The following SUCLA2 variants were observed in gnomAD, a reference collection of about 807,000 sequenced individuals.
The protein encoded by SUCLA2 is succinate--CoA ligase [ADP-forming] subunit beta, mitochondrial.
Under a neutral mutation model 54.8 loss-of-function variants are expected in SUCLA2, and 30 were observed. The observed-to-expected ratio is 0.55, with a 90% CI of 0.41 to 0.74. SUCLA2 has a LOEUF of 0.74. Among genes scored for constraint, SUCLA2 ranks in the 30% least tolerant of loss-of-function variants. The probability of loss-of-function intolerance (pLI) is 0.00; values close to 1 mark genes in which losing one functional copy is unlikely to be tolerated. For missense variants in SUCLA2, 476 were observed against 562.9 expected (o/e 0.85, Z 1.56); for synonymous variants, 172 against 188.9 (o/e 0.91, Z 0.74).
At chr13:47,960,956 G>C (rs1212628471) in intron 6 of SUCLA2, among the ~76,000 whole-genome samples, 1 of 152,168 alleles carries the variant, frequency 6.6e-6, no homozygotes, top group Non-Finnish European at 1.5e-5. Flanking sequence ...GATAAGATCA[G>C]AGTTTTTCTA....
intron 8 of SUCLA2, among the ~76,000 whole-genome samples, chr13:47,952,222 C>T (rs1193737998): frequency 2.6e-5 from 4 of 152,034 alleles, no homozygotes; most frequent in Non-Finnish European, 5.9e-5. Context: ...CTTGGTCCTT[C>T]GATGTCACCA....
chr13:47,986,439 A>G (rs1189107065), intron 4 of SUCLA2, among the ~76,000 whole-genome samples: 1 of 152,154 alleles, frequency 6.6e-6, no homozygotes, highest in African/African-American at 2.4e-5. Context: ...AACTTTGGAT[A>G]TTAGACCTTT....
intron 6 of SUCLA2, among the ~76,000 whole-genome samples, chr13:47,956,142 T>C (rs1214467322): frequency 6.6e-6 from 1 of 152,150 alleles, no homozygotes; most frequent in Non-Finnish European, 1.5e-5. Context: ...AGAAGACTAT[T>C]ATAAACTTTT....
chr13:47,985,720 C>G (rs1950097574), intron 4 of SUCLA2, among the ~76,000 whole-genome samples: 2 of 152,258 alleles, frequency 1.3e-5, no homozygotes, highest in Non-Finnish European at 1.5e-5. Context: ...ATCTTTATAA[C>G]AGAATGATTT....
chr13:47,954,871 C>T (rs1025698270), intron 6 of SUCLA2, among the ~76,000 whole-genome samples: 2 of 151,996 alleles, frequency 1.3e-5, no homozygotes, highest in African/African-American at 4.8e-5. Context: ...TAGCTAACCC[C>T]ATCACTTGGG....
intron 2 of SUCLA2, among the ~76,000 whole-genome samples, chr13:47,990,890 C>T (rs1950144556): frequency 6.6e-6 from 1 of 152,210 alleles, no homozygotes. Context: ...TAGAAAATTA[C>T]TGATGTAAGC....
At chr13:47,961,697 A>T (rs1253488736) in intron 6 of SUCLA2, among the ~76,000 whole-genome samples, 1 of 150,234 alleles carries the variant, frequency 6.7e-6, no homozygotes, top group Non-Finnish European at 1.5e-5. Context: ...ATTCTACGAC[A>T]TTCCTGAAAT....
chr13:47,963,770 G>A (rs1324965946), intron 6 of SUCLA2, among the ~76,000 whole-genome samples: 1 of 152,146 alleles, frequency 6.6e-6, no homozygotes, highest in African/African-American at 2.4e-5. Context: ...AGGCCTGGAA[G>A]CAATGACACA....
At chr13:47,963,886 G>C (rs763032702) in intron 6 of SUCLA2, among the ~76,000 whole-genome samples, 1 of 152,154 alleles carries the variant, frequency 6.6e-6, no homozygotes, top group South Asian at 2.1e-4. Context: ...GTGGATTGCC[G>C]AACTGTGACA....
intron 6 of SUCLA2, among the ~76,000 whole-genome samples, chr13:47,959,614 G>A (rs1949851759): frequency 6.6e-6 from 1 of 152,150 alleles, no homozygotes; most frequent in Admixed American, 6.5e-5. Flanking sequence ...GAAAGCCCAG[G>A]CATGTCATGG....
intron 10 of SUCLA2, among the ~76,000 whole-genome samples, chr13:47,946,856 GA>G (rs911220921): frequency 5.3e-5 from 8 of 150,384 alleles, no homozygotes; most frequent in Non-Finnish European, 7.4e-5. Flanking sequence ...TGTCAGATAA[GA>G]AAAAAAAATC....
At chr13:47,990,825 A>G (rs1950144110) in intron 2 of SUCLA2, among the ~76,000 whole-genome samples, 1 of 152,230 alleles carries the variant, frequency 6.6e-6, no homozygotes, top group African/African-American at 2.4e-5. Flanking sequence ...GGAGTTTGAA[A>G]CCAAACAAAA....
At chr13:47,992,410 A>T (rs1044995887) in intron 2 of SUCLA2, among the ~76,000 whole-genome samples, 56 of 105,704 alleles carry the variant, frequency 5.3e-4, no homozygotes, top group South Asian at 8.6e-4. Flanking sequence ...AAAAAAAAAA[A>T]TTTTTCATGA....
chr13:47,954,036 C>G (rs1949797257), intron 8 of SUCLA2, 104 bp downstream of exon 8: 1 of 1,037,946 alleles, frequency 9.6e-7, no homozygotes, highest in Non-Finnish European at 1.3e-6. Flanking sequence ...TATTAAAAGA[C>G]ATATATATGA....
intron 6 of SUCLA2, among the ~76,000 whole-genome samples, chr13:47,965,255 A>G (rs935786463): frequency 1.3e-5 from 2 of 151,970 alleles, no homozygotes; most frequent in African/African-American, 2.4e-5. Context: ...AAGGAATATA[A>G]TATTTTCCCA....
chr13:47,967,961 C>A (rs555221672), intron 6 of SUCLA2, among the ~76,000 whole-genome samples: 1 of 151,978 alleles, frequency 6.6e-6, no homozygotes, highest in Non-Finnish European at 1.5e-5. Flanking sequence ...AAGATTCACA[C>A]CAAATGTCAG....
chr13:47,959,801 G>A (rs4245347), intron 6 of SUCLA2, among the ~76,000 whole-genome samples: 95,005 of 151,980 alleles, frequency 0.63, 30,646 homozygotes, highest in East Asian at 0.77. Flanking sequence ...TCTTGATGAA[G>A]GTAAAATAAG....
rs1555256401 is a variant in SUCLA2, at chr13:47,954,274, C to T, written c.973G>A (p.Ala325Thr). 1.2e-6 allele frequency: 2 copies of T among 1,613,882 alleles called. No homozygotes were observed. Among genetic ancestry groups the T allele is most frequent in the Admixed American group, 1.7e-5 (1 of 59,988 alleles). Residue 325 changes from alanine to threonine, a missense_variant, in exon 8 of 11, where the codon GCT becomes ACT. Physicochemically the swap from Ala to Thr is moderately conservative, Grantham distance 58 (BLOSUM62 0). Around this residue, in one of 2 missense-constraint regions of SUCLA2, gnomAD observed 342 missense variants for 444.2 expected, o/e 0.77. Coordinates refer to ENST00000646932, the MANE Select transcript of SUCLA2 (RefSeq NM_003850.3). Reference sequence around the variant, plus strand: ...TCCATTGTGGCCATAGCCAAACCAGCACCATTTACTATATAGGGGAAAATG... The same window carrying T: ...TCCATTGTGGCCATAGCCAAACCAGTACCATTTACTATATAGGGGAAAATG... Reference protein sequence around the residue: ...DGNIGCLVNGAGLAMATMDII... With the variant: ...DGNIGCLVNGTGLAMATMDII...
chr13:47,986,200 T>G (rs1950103130), intron 4 of SUCLA2, among the ~76,000 whole-genome samples: 1 of 152,000 alleles, frequency 6.6e-6, no homozygotes, highest in Non-Finnish European at 1.5e-5. Flanking sequence ...CCAACTAATT[T>G]TTTTATTTTT....
Sources: allele counts gnomAD v4.1 joint callset (sites outside exome capture counted in the v4.1 genomes callset), GRCh38; gene constraint gnomAD v4.1.1; regional missense constraint gnomAD v4.1.1; transcripts MANE v1.5; gene names NCBI Gene and HGNC (gene_info 2026-07-23, HGNC 2026-07-21).